FHIT: variants seen among roughly 807,000 people sequenced by gnomAD.
FHIT encodes the protein fragile histidine triad diadenosine triphosphatase, also known as bis(5'-adenosyl)-triphosphatase.
FHIT carries 19 observed loss-of-function variants against 17.9 expected under a neutral mutation model. That is an observed-to-expected ratio of 1.06 (90% confidence interval 0.74 to 1.56). The LOEUF is 1.56. FHIT is among the 40% of genes most tolerant of loss of function. The pLI is 0.00. For missense variants in FHIT, 248 were observed against 189.2 expected (o/e 1.31, Z -1.82); for synonymous variants, 81 against 69.7 (o/e 1.16, Z -0.81).
intron 4 of FHIT, among the ~76,000 whole-genome samples, chr3:60,745,018 C>T (rs903624247): frequency 4.6e-5 from 7 of 151,806 alleles, no homozygotes; most frequent in African/African-American, 9.7e-5. Context: ...GAGGCAGAGG[C>T]GGGAGGATAG....
intron 3 of FHIT, among the ~76,000 whole-genome samples, chr3:60,861,866 C>T (rs1030751559): frequency 2.7e-5 from 4 of 149,002 alleles, no homozygotes; most frequent in East Asian, 2.0e-4. Context: ...AGGAGAATGG[C>T]GTGAACCCGT....
intron 4 of FHIT, among the ~76,000 whole-genome samples, chr3:60,584,108 C>T (rs1239001770): frequency 6.6e-6 from 1 of 151,984 alleles, no homozygotes; most frequent in Non-Finnish European, 1.5e-5. Flanking sequence ...TGACCAGGAC[C>T]TAAGAAAGCT....
chr3:61,005,690 G>A (rs907086078), intron 3 of FHIT, among the ~76,000 whole-genome samples: 10 of 152,132 alleles, frequency 6.6e-5, no homozygotes, highest in African/African-American at 2.4e-4. Context: ...GGGCCACTAT[G>A]AATTTCGGTT....
intron 5 of FHIT, among the ~76,000 whole-genome samples, chr3:60,178,559 C>T (rs1157437783): frequency 6.6e-6 from 1 of 152,080 alleles, no homozygotes; most frequent in Non-Finnish European, 1.5e-5. Context: ...GCACTCCAGC[C>T]TGGACGACAC....
intron 5 of FHIT, among the ~76,000 whole-genome samples, chr3:60,472,120 C>CTAAT (rs398091485): frequency 6.8e-6 from 1 of 146,252 alleles, no homozygotes; most frequent in Non-Finnish European, 1.5e-5. Context: ...ATCCACGTAA[C>CTAAT]GTAACTGCAC....
At chr3:60,745,977 T>C (rs192184645) in intron 4 of FHIT, among the ~76,000 whole-genome samples, 20 of 152,266 alleles carry the variant, frequency 1.3e-4, no homozygotes, top group African/African-American at 3.6e-4. Context: ...GGGAAGAAAA[T>C]GCTCACCATT....
chr3:60,477,642 G>A (rs1450840004), intron 5 of FHIT, among the ~76,000 whole-genome samples: 1 of 152,160 alleles, frequency 6.6e-6, no homozygotes, highest in Non-Finnish European at 1.5e-5. Context: ...TCTGGTAGAT[G>A]AATTTCATGC....
chr3:60,865,488 G>T (rs1187329697), intron 3 of FHIT, among the ~76,000 whole-genome samples: 2 of 152,046 alleles, frequency 1.3e-5, no homozygotes, highest in Non-Finnish European at 2.9e-5. Context: ...ATAAAATTCA[G>T]TTTATTTTAA....
intron 4 of FHIT, among the ~76,000 whole-genome samples, chr3:60,626,330 A>G (rs372192922): frequency 7.9e-5 from 12 of 152,230 alleles, no homozygotes; most frequent in East Asian, 1.9e-4. Flanking sequence ...ACTTTTAACA[A>G]TAACTCTTCC....
intron 4 of FHIT, among the ~76,000 whole-genome samples, chr3:60,612,315 T>C (rs1042625255): frequency 3.9e-5 from 6 of 152,220 alleles, no homozygotes; most frequent in African/African-American, 1.4e-4. Context: ...TGAGACTCTA[T>C]GGATATACAT....
chr3:60,337,493 TTGC>T (rs1056807949), intron 5 of FHIT, among the ~76,000 whole-genome samples: 11 of 152,210 alleles, frequency 7.2e-5, no homozygotes, highest in Non-Finnish European at 7.3e-5. Flanking sequence ...CATTCTTCCT[TTGC>T]TGCTAATTAC....
chr3:61,224,265 C>G (rs2039910293), intron 1 of FHIT, among the ~76,000 whole-genome samples: 1 of 152,168 alleles, frequency 6.6e-6, no homozygotes, highest in Admixed American at 6.5e-5. Flanking sequence ...TAAAATTCCA[C>G]TTTAAAAGTA....
chr3:60,015,412 G>C (rs1315815587), intron 5 of FHIT, among the ~76,000 whole-genome samples: 1 of 152,290 alleles, frequency 6.6e-6, no homozygotes, highest in East Asian at 1.9e-4. Flanking sequence ...GAGGAGAAGG[G>C]AGGCGTTCAC....
At chr3:60,815,277 A>C (rs1241282019) in intron 4 of FHIT, among the ~76,000 whole-genome samples, 1 of 151,924 alleles carries the variant, frequency 6.6e-6, no homozygotes, top group Non-Finnish European at 1.5e-5. Flanking sequence ...TTTTGTTGCA[A>C]TTGCTTTTGA....
chr3:59,903,884 T>C (rs997451496), intron 8 of FHIT, among the ~76,000 whole-genome samples: 2 of 152,276 alleles, frequency 1.3e-5, no homozygotes, highest in South Asian at 2.1e-4. Flanking sequence ...GCCAAGATGT[T>C]TGGGCTTCCT....
intron 4 of FHIT, among the ~76,000 whole-genome samples, chr3:60,674,037 C>CA (rs79370322): frequency 0.24 from 36,057 of 151,686 alleles, 5,141 homozygotes; most frequent in East Asian, 0.74. Flanking sequence ...TCAAATTGTA[C>CA]AAATGTTAGA....
intron 8 of FHIT, among the ~76,000 whole-genome samples, chr3:59,765,626 T>C (rs1701754730): frequency 6.6e-6 from 1 of 152,194 alleles, no homozygotes; most frequent in South Asian, 2.1e-4. Flanking sequence ...ACTCCCAGGA[T>C]TGCTCTGGCA....
chr3:60,464,982 T>C (rs1478703847), intron 5 of FHIT, among the ~76,000 whole-genome samples: 1 of 152,168 alleles, frequency 6.6e-6, no homozygotes, highest in Non-Finnish European at 1.5e-5. Context: ...CAACAATGTA[T>C]GAGAGTTCAC....
At chr3:60,069,495 G>T (rs1046134844) in intron 5 of FHIT, among the ~76,000 whole-genome samples, 1 of 152,164 alleles carries the variant, frequency 6.6e-6, no homozygotes, top group East Asian at 1.9e-4. Context: ...TCCAGGGGCT[G>T]CAGGTCCAGC....
Sources: gnomAD v4.1 joint callset for allele counts (sites outside exome capture counted in the v4.1 genomes callset) on GRCh38, gnomAD v4.1.1 for gene constraint, MANE v1.5 for transcripts, NCBI Gene and HGNC (gene_info 2026-07-23, HGNC 2026-07-21) for gene names.